VCAN: variants seen among roughly 807,000 people sequenced by gnomAD.
VCAN encodes versican core protein.
In VCAN, 44 loss-of-function variants were observed where a neutral mutation model predicts 245.5. The ratio of observed to expected loss-of-function variants is 0.18; its 90% CI spans 0.14 to 0.23. VCAN has a LOEUF of 0.23. VCAN is among the 10% of genes least tolerant of loss of function. VCAN has a pLI of 1.00. For missense variants in VCAN, 3,793 were observed against 4,057.9 expected (o/e 0.93, Z 1.77); for synonymous variants, 1,413 against 1,437.0 (o/e 0.98, Z 0.38).
intron 12 of VCAN, chr5:83,562,394 T>A (rs1240346597): frequency 2.0e-5 from 3 of 152,148 alleles, no homozygotes; most frequent in Non-Finnish European, 4.4e-5. Context: ...ATAGAGTAGT[T>A]CTAGAACGCA....
At chr5:83,502,197 AT>A (rs1745350231) in intron 5 of VCAN, among the ~76,000 whole-genome samples, 2 of 151,902 alleles carry the variant, frequency 1.3e-5, no homozygotes, top group Non-Finnish European at 2.9e-5. Flanking sequence ...ATTCCTTAGG[AT>A]TTTCTTTATA....
intron 5 of VCAN, among the ~76,000 whole-genome samples, chr5:83,508,284 G>T (rs1227318304): frequency 1.3e-5 from 2 of 152,174 alleles, no homozygotes; most frequent in African/African-American, 4.8e-5. Context: ...TAAGTTATGT[G>T]TGTTGTAAGT....
At chr5:83,576,001 C>T (rs191081069) in intron 13 of VCAN, among the ~76,000 whole-genome samples, 3 of 152,004 alleles carry the variant, frequency 2.0e-5, no homozygotes, top group East Asian at 3.9e-4. Context: ...AAAAAGATAC[C>T]CTTTTCTCTT....
chr5:83,515,464 T>A (rs1745812805), intron 6 of VCAN, among the ~76,000 whole-genome samples: 1 of 152,234 alleles, frequency 6.6e-6, no homozygotes, highest in Admixed American at 6.5e-5. Flanking sequence ...GCATTTGAAT[T>A]TGAACCCATG....
In VCAN at chr5:83,522,327, A is replaced by C; in HGVS notation, c.4003+18A>C. On this transcript the variant is annotated intron_variant, in intron 7 of 14. Transcript: ENST00000265077. The stretch of plus-strand genomic sequence containing the variant: ...TAAGACAGGTAAGTCTTTGCTTTCT[A>C]GACTAGCATTGAAGGCAATCCTCAT... The C allele has an allele frequency of 2.5e-6, 4 of 1,597,748 alleles. No homozygotes were observed. Among genetic ancestry groups the C allele is most frequent in the Non-Finnish European group, 3.4e-6 (4 of 1,179,456 alleles).
Position 83,564,005 on chromosome 5 carries a change from C to T in VCAN, c.9736-8411C>T, listed in dbSNP as rs148220084. On this transcript the variant is annotated intron_variant, in intron 12 of 14. Transcript: ENST00000265077. ...GACAGAGTGGAAAAGAAGAAACTAC[C>T]GTAGGTGAACATTTTAGACAGAAAG... Among the ~76,000 whole-genome samples the T allele has an allele frequency of 2.3e-3, 347 of 152,102 alleles. 1 individual carries two copies. Among genetic ancestry groups the T allele is most frequent in the Admixed American group, 0.014 (209 of 15,270 alleles).
intron 5 of VCAN, 82 bp from the exon 6 acceptor site, chr5:83,512,021 A>C: frequency 6.3e-7 from 1 of 1,588,678 alleles, no homozygotes; most frequent in Non-Finnish European, 8.6e-7. Context: ...TGCTCCTCCA[A>C]TTCCTTCCCC....
At chr5:83,574,912 A>G (rs1370280760) in intron 13 of VCAN, among the ~76,000 whole-genome samples, 1 of 152,180 alleles carries the variant, frequency 6.6e-6, no homozygotes, top group Non-Finnish European at 1.5e-5. Flanking sequence ...TCATTGGCCA[A>G]TTTCTAAAGC....
At chr5:83,531,172 G>A (rs1293958899) in intron 7 of VCAN, among the ~76,000 whole-genome samples, 1 of 152,192 alleles carries the variant, frequency 6.6e-6, no homozygotes, top group Non-Finnish European at 1.5e-5. Context: ...AATCTCTGGA[G>A]TGAGAGGAAA....
rs926154372 is a variant in VCAN at position 83,541,232 on chromosome 5, A to G, written c.8229A>G (p.Gln2743=). 1.2e-6 allele frequency: 2 copies of G among 1,613,980 alleles called. No homozygotes were observed. The highest frequency in any genetic ancestry group is 8.5e-7 in the Non-Finnish European group (1 of 1,180,004). ...DQSEIIPTLG[Q]FERTQEEYED... is the part of the protein sequence containing the mutation. Reference sequence around the variant, plus strand: ...GTGAAATAATACCAACATTGGGCCAATTTGAAAGGACTCAGGAGGAGTATG... The same window carrying G: ...GTGAAATAATACCAACATTGGGCCAGTTTGAAAGGACTCAGGAGGAGTATG... The change falls in exon 8 of 15, where the codon CAA becomes CAG. Residue 2743 remains glutamine, a synonymous_variant. Transcript: ENST00000265077.
chr5:83,518,254 C>T (rs11953621), intron 6 of VCAN, among the ~76,000 whole-genome samples: 3 of 151,678 alleles, frequency 2.0e-5, no homozygotes, highest in Non-Finnish European at 4.4e-5. Flanking sequence ...TTTAAAAAAA[C>T]AATCATTATA....
At chr5:83,487,035 G>A (rs1007466499) in intron 2 of VCAN, among the ~76,000 whole-genome samples, 2 of 152,084 alleles carry the variant, frequency 1.3e-5, no homozygotes, top group Admixed American at 1.3e-4. Context: ...AACCCAAGAA[G>A]AACTATTTCC....
At chr5:83,504,370 A>T (rs1745420291) in intron 5 of VCAN, among the ~76,000 whole-genome samples, 1 of 151,702 alleles carries the variant, frequency 6.6e-6, no homozygotes, top group Non-Finnish European at 1.5e-5. Flanking sequence ...ATGTATATGT[A>T]TATACCTTGA....
intron 13 of VCAN, among the ~76,000 whole-genome samples, chr5:83,574,651 G>T (rs955793761): frequency 6.6e-6 from 1 of 152,066 alleles, no homozygotes; most frequent in Non-Finnish European, 1.5e-5. Flanking sequence ...TATGTCTTTT[G>T]GGATTATAAT....
chr5:83,526,058 G>C (rs577949028), intron 7 of VCAN, among the ~76,000 whole-genome samples: 4 of 151,846 alleles, frequency 2.6e-5, no homozygotes, highest in South Asian at 2.1e-4. Context: ...TCCTGCCTCA[G>C]CCTCCCGAGT....
intron 5 of VCAN, among the ~76,000 whole-genome samples, chr5:83,509,061 A>G (rs897330519): frequency 1.5e-5 from 2 of 130,142 alleles, no homozygotes; most frequent in Non-Finnish European, 3.2e-5. Context: ...AGAGAAAGAA[A>G]GAAAAGAAAG....
intron 1 of VCAN, among the ~76,000 whole-genome samples, chr5:83,472,625 A>G (rs991524587): frequency 3.3e-5 from 5 of 152,256 alleles, no homozygotes; most frequent in Admixed American, 3.3e-4. Context: ...TTCAGACCGC[A>G]GGCAGTCTGG....
intron 7 of VCAN, among the ~76,000 whole-genome samples, chr5:83,534,927 G>T (rs148552823): frequency 6.6e-6 from 1 of 151,660 alleles, no homozygotes; most frequent in Non-Finnish European, 1.5e-5. Context: ...AATATTTTAT[G>T]GTGTCCTATT....
intron 8 of VCAN, among the ~76,000 whole-genome samples, chr5:83,544,241 C>G (rs1292637709): frequency 2.0e-5 from 3 of 152,170 alleles, no homozygotes; most frequent in Non-Finnish European, 4.4e-5. Context: ...AGTTTTGGAA[C>G]TATAGGAAAA....
Sources: allele counts gnomAD v4.1 joint callset (sites outside exome capture counted in the v4.1 genomes callset), GRCh38; gene constraint gnomAD v4.1.1; transcripts MANE v1.5; gene names NCBI Gene and HGNC (gene_info 2026-07-23, HGNC 2026-07-21).